PRIMA1: variants seen among roughly 807,000 people sequenced by gnomAD.
PRIMA1 encodes proline rich membrane anchor 1, also known as proline-rich membrane anchor 1.
In PRIMA1, 7 loss-of-function variants were observed where a neutral mutation model predicts 17.5. That is an observed-to-expected ratio of 0.40 (90% CI 0.23 to 0.75). PRIMA1 has a LOEUF of 0.75. Ranked by LOEUF, PRIMA1 falls within the 30% of genes least tolerant of loss-of-function variation. PRIMA1 has a pLI of 0.37. For missense variants in PRIMA1, 200 were observed against 201.8 expected (o/e 0.99, Z 0.05); for synonymous variants, 97 against 77.9 (o/e 1.25, Z -1.29).
At chr14:93,768,604 TTC>T (rs974653711) in intron 3 of PRIMA1, among the ~76,000 whole-genome samples, 2 of 152,198 alleles carry the variant, frequency 1.3e-5, no homozygotes, top group African/African-American at 4.8e-5. Flanking sequence ...ACCTTTGTAG[TTC>T]CAGAACTTGC....
At chr14:93,727,214 G>A (rs967798001) in intron 4 of PRIMA1, among the ~76,000 whole-genome samples, 1 of 152,206 alleles carries the variant, frequency 6.6e-6, no homozygotes, top group South Asian at 2.1e-4. Context: ...GGCGGAACTG[G>A]CGACTGTGCA....
At chr14:93,756,980 C>T (rs2076294951) in intron 3 of PRIMA1, among the ~76,000 whole-genome samples, 1 of 152,194 alleles carries the variant, frequency 6.6e-6, no homozygotes, top group Non-Finnish European at 1.5e-5. Context: ...TACATTCCCG[C>T]TCAGTGTCCT....
At chr14:93,763,275 G>A (rs1884790507) in intron 3 of PRIMA1, among the ~76,000 whole-genome samples, 1 of 152,170 alleles carries the variant, frequency 6.6e-6, no homozygotes, top group East Asian at 1.9e-4. Flanking sequence ...CGGGGACTCT[G>A]CCTCTAAACC....
intron 3 of PRIMA1, among the ~76,000 whole-genome samples, chr14:93,761,923 A>G (rs540507418): frequency 8.5e-5 from 13 of 152,334 alleles, no homozygotes; most frequent in Non-Finnish European, 1.6e-4. Context: ...GCCTCCCAGC[A>G]TATTCCACCT....
rs978307741 is a variant in PRIMA1 at position 93,755,121 on chromosome 14, GA to G, written c.230-17752del. Among the ~76,000 whole-genome samples, 94 of 152,230 alleles carry G rather than the reference GA, an allele frequency of 6.2e-4. 1 individual carries two copies. The highest frequency in any genetic ancestry group is 2.2e-3 in the African/African-American group (91 of 41,536). On this transcript the variant is annotated intron_variant, in intron 3 of 4. Transcript: ENST00000393140. ...AACATCCAGAAGCTGGTCAGTGGGG[GA>G]AAAAAACCCGAGGCCTAAGAGTTAG...
chr14:93,744,802 A>G (rs762807955), intron 3 of PRIMA1, among the ~76,000 whole-genome samples: 3 of 152,170 alleles, frequency 2.0e-5, no homozygotes, highest in Non-Finnish European at 2.9e-5. Flanking sequence ...TTGGCTGCCC[A>G]TAACCACAGG....
intron 3 of PRIMA1, among the ~76,000 whole-genome samples, chr14:93,768,187 C>A (rs184026480): frequency 4.1e-4 from 63 of 152,236 alleles, no homozygotes; most frequent in African/African-American, 1.5e-3. Flanking sequence ...TTTTCCACCT[C>A]AATGTTCAGT....
At chr14:93,751,887 T>TA (rs1313497357) in intron 3 of PRIMA1, among the ~76,000 whole-genome samples, 1 of 152,244 alleles carries the variant, frequency 6.6e-6, no homozygotes, top group East Asian at 1.9e-4. Context: ...TGTGGCTACT[T>TA]AAATTTAAAC....
intron 3 of PRIMA1, among the ~76,000 whole-genome samples, chr14:93,741,214 G>A (rs1332582739): frequency 6.6e-6 from 1 of 152,232 alleles, no homozygotes; most frequent in East Asian, 1.9e-4. Flanking sequence ...CCTTGCTTGA[G>A]TCAATTAGAG....
At chr14:93,771,489 C>T (rs57495249) in intron 3 of PRIMA1, among the ~76,000 whole-genome samples, 1 of 152,192 alleles carries the variant, frequency 6.6e-6, no homozygotes, top group Non-Finnish European at 1.5e-5. Context: ...CAATATTGAC[C>T]ACAAGACATG....
intron 4 of PRIMA1, among the ~76,000 whole-genome samples, chr14:93,735,295 G>T (rs1371467366): frequency 1.3e-5 from 2 of 152,158 alleles, no homozygotes; most frequent in East Asian, 3.9e-4. Context: ...CACTCAGCCT[G>T]GTGACAAAGG....
intron 3 of PRIMA1, among the ~76,000 whole-genome samples, chr14:93,754,532 G>C (rs2076279522): frequency 6.6e-6 from 1 of 152,176 alleles, no homozygotes; most frequent in Non-Finnish European, 1.5e-5. Flanking sequence ...CTCAACCGAA[G>C]AGACTGTGAT....
At chr14:93,752,861 G>A (rs372528117) in intron 3 of PRIMA1, among the ~76,000 whole-genome samples, 8 of 152,348 alleles carry the variant, frequency 5.3e-5, no homozygotes, top group African/African-American at 1.9e-4. Context: ...CCCAATGGGA[G>A]TGGTGACCTT....
At chr14:93,746,720 C>T (rs931579162) in intron 3 of PRIMA1, among the ~76,000 whole-genome samples, 10 of 152,094 alleles carry the variant, frequency 6.6e-5, no homozygotes, top group African/African-American at 2.2e-4. Context: ...AACCTAGCAG[C>T]GAGATGGCGG....
intron 3 of PRIMA1, among the ~76,000 whole-genome samples, chr14:93,756,494 G>A (rs1354708734): frequency 6.6e-6 from 1 of 152,158 alleles, no homozygotes; most frequent in African/African-American, 2.4e-5. Context: ...TCTTACCCGA[G>A]GGTGGGCAGG....
intron 4 of PRIMA1, among the ~76,000 whole-genome samples, chr14:93,725,282 G>A (rs1280110568): frequency 2.0e-5 from 3 of 150,682 alleles, no homozygotes; most frequent in African/African-American, 7.3e-5. Context: ...TGATGGGGGA[G>A]GGTGGCAGCC....
intron 3 of PRIMA1, among the ~76,000 whole-genome samples, chr14:93,759,718 G>A (rs936425994): frequency 2.6e-5 from 4 of 152,212 alleles, no homozygotes; most frequent in African/African-American, 9.6e-5. Flanking sequence ...CCTCAGCCCA[G>A]CCATTCTCCT....
intron 3 of PRIMA1, among the ~76,000 whole-genome samples, chr14:93,764,629 A>G (rs1225297450): frequency 6.6e-6 from 1 of 152,174 alleles, no homozygotes; most frequent in African/African-American, 2.4e-5. Context: ...TTTGTGAGTG[A>G]TTTACTGCTC....
chr14:93,732,681 G>A (rs972788309), intron 4 of PRIMA1, among the ~76,000 whole-genome samples: 1 of 152,236 alleles, frequency 6.6e-6, no homozygotes, highest in Non-Finnish European at 1.5e-5. Flanking sequence ...CGTCCAAGAG[G>A]CTGAATGCCT....
Sources: gnomAD v4.1 joint callset for allele counts (sites outside exome capture counted in the v4.1 genomes callset) on GRCh38, gnomAD v4.1.1 for gene constraint, MANE v1.5 for transcripts, NCBI Gene and HGNC (gene_info 2026-07-23, HGNC 2026-07-21) for gene names.